The following MACROD1 variants were observed in gnomAD, a reference collection of about 807,000 sequenced individuals.
MACROD1 encodes mono-ADP ribosylhydrolase 1.
Under a neutral mutation model 41.4 loss-of-function variants are expected in MACROD1, and 31 were observed. The ratio of observed to expected loss-of-function variants is 0.75; its 90% CI spans 0.56 to 1.01. MACROD1 has a LOEUF of 1.01. Among genes scored for constraint, MACROD1 ranks in the 50% least tolerant of loss-of-function variants. The pLI is 0.00. For synonymous variants in MACROD1, 252 were observed against 203.4 expected, an observed-to-expected ratio of 1.24 and a Z score of -2.03; for missense variants, 473 against 460.0, an observed-to-expected ratio of 1.03 and a Z score of -0.26.
chr11:64,069,323 G>C (rs1046945653), intron 3 of MACROD1, among the ~76,000 whole-genome samples: 1 of 152,204 alleles, frequency 6.6e-6, no homozygotes, highest in Non-Finnish European at 1.5e-5. Flanking sequence ...GCTGTCAGCC[G>C]AAGAGCCTGG....
chr11:64,018,786 G>A (rs1204947446), intron 3 of MACROD1, among the ~76,000 whole-genome samples: 1 of 152,226 alleles, frequency 6.6e-6, no homozygotes, highest in African/African-American at 2.4e-5. Flanking sequence ...CCGGGGACTG[G>A]GGGAGATGCA....
chr11:64,041,198 G>GT (rs1943477837), intron 3 of MACROD1, among the ~76,000 whole-genome samples: 1 of 18,958 alleles, frequency 5.3e-5, no homozygotes, highest in Non-Finnish European at 8.2e-5. Flanking sequence ...TTAGCAAACT[G>GT]TAAAAAAAAA....
chr11:64,039,305 G>C (rs964926342), intron 3 of MACROD1, among the ~76,000 whole-genome samples: 1 of 152,170 alleles, frequency 6.6e-6, no homozygotes, highest in Non-Finnish European at 1.5e-5. Context: ...CCCGGGGGTA[G>C]CTTTCCCTGC....
chr11:64,075,356 C>T (rs183927931), intron 3 of MACROD1, among the ~76,000 whole-genome samples: 6 of 152,368 alleles, frequency 3.9e-5, no homozygotes, highest in African/African-American at 4.8e-5. Flanking sequence ...CTAAACCGTT[C>T]CCTGGGCACT....
rs1292586603 is a variant in MACROD1, at chr11:64,000,485, G to T, written c.548-142C>A. 1.2e-5 allele frequency: 6 copies of T among 496,640 alleles called. No individual in the cohort carries two copies. The East Asian group carries it at 1.4e-4, about 12-fold the overall frequency. 30.8% of individuals were successfully genotyped at this position (496,640 alleles called of 1,614,324 possible). A position where few individuals can be genotyped will look rare whatever the true frequency, so the allele number is the denominator to read the frequency against. ...AACCCCGTGGCCTCCGGCCGCGGCCGCTGCCCCCACCCCCGCCCGGAATGT... is the reference window on the plus strand; with the variant it reads ...AACCCCGTGGCCTCCGGCCGCGGCCTCTGCCCCCACCCCCGCCCGGAATGT... On this transcript the variant is annotated intron_variant, in intron 4 of 10. Coordinates refer to ENST00000255681, the MANE Select transcript of MACROD1 (RefSeq NM_014067.4).
At chr11:64,038,145 G>A (rs1027306454) in intron 3 of MACROD1, among the ~76,000 whole-genome samples, 6 of 152,084 alleles carry the variant, frequency 3.9e-5, no homozygotes, top group African/African-American at 1.2e-4. Context: ...TGGGAGGTCC[G>A]CCCAGCTGTT....
intron 3 of MACROD1, among the ~76,000 whole-genome samples, chr11:64,060,271 G>A (rs1171452965): frequency 6.6e-6 from 1 of 152,336 alleles, no homozygotes; most frequent in East Asian, 1.9e-4. Flanking sequence ...CAGAGCTCCG[G>A]GAGCGGCGGG....
At chr11:64,115,488 GAA>G (rs1334320437) in intron 3 of MACROD1, among the ~76,000 whole-genome samples, 1 of 152,084 alleles carries the variant, frequency 6.6e-6, no homozygotes, top group East Asian at 1.9e-4. Context: ...CACCTCTGAT[GAA>G]AAGAGATTTC....
intron 3 of MACROD1, chr11:64,138,637 C>T (rs1178715084): frequency 1.2e-5 from 9 of 752,686 alleles, no homozygotes; most frequent in African/African-American, 1.9e-5. Flanking sequence ...AACTGCGATG[C>T]CGCTCGGCTC....
In MACROD1 at chr11:63,999,326, C is replaced by T; in HGVS notation, c.891+5G>A. On this transcript the variant is annotated splice_donor_5th_base_variant and intron_variant, in intron 8 of 10. Transcript: ENST00000255681. Reference sequence around the variant, plus strand: ...ACCCCACCCTCGCCCGGGCCCAGGACTCACCTTGTCCTTGTGCTGCTCCAG... The same window carrying T: ...ACCCCACCCTCGCCCGGGCCCAGGATTCACCTTGTCCTTGTGCTGCTCCAG... 2 of 1,564,102 alleles carry T rather than the reference C, an allele frequency of 1.3e-6. No individual in the cohort carries two copies. Among genetic ancestry groups the T allele is most frequent in the African/African-American group, 2.7e-5 (2 of 74,490 alleles).
At chr11:64,130,689 C>A (rs1275662310) in intron 3 of MACROD1, among the ~76,000 whole-genome samples, 2 of 152,168 alleles carry the variant, frequency 1.3e-5, no homozygotes, top group Non-Finnish European at 2.9e-5. Context: ...CAGGACCCCC[C>A]CACACATGCC....
rs566188754 is a variant in MACROD1, at chr11:64,118,203, C to T, written c.517+33036G>A. On this transcript the variant is annotated intron_variant, in intron 3 of 10. Coordinates refer to ENST00000255681, the MANE Select transcript of MACROD1 (RefSeq NM_014067.4). ...TATCTTCCCCTCCAACGGCAGCAGC[C>T]TCTGCAAGGCCACACACACCATTGG... is the stretch of plus-strand genomic sequence containing the variant. 3.0e-5 allele frequency: 48 copies of T among 1,613,416 alleles called. No homozygotes were observed. The South Asian group carries it at 4.8e-4, about 16-fold the overall frequency.
chr11:64,004,962 G>A (rs759904535), intron 4 of MACROD1, among the ~76,000 whole-genome samples: 3 of 152,084 alleles, frequency 2.0e-5, no homozygotes, highest in Non-Finnish European at 4.4e-5. Flanking sequence ...TGAGGGCCAG[G>A]GGGGTTAAGC....
At chr11:64,077,802 C>T (rs756212748) in intron 3 of MACROD1, among the ~76,000 whole-genome samples, 110 of 152,220 alleles carry the variant, frequency 7.2e-4, no homozygotes, top group African/African-American at 2.4e-3. Flanking sequence ...GGCCTCCGGC[C>T]GCCGCTCGGA....
chr11:64,091,632 C>A (rs917614263), intron 3 of MACROD1, among the ~76,000 whole-genome samples: 1 of 152,160 alleles, frequency 6.6e-6, no homozygotes, highest in Non-Finnish European at 1.5e-5. Context: ...ACCATCCCCC[C>A]ATCCGACAGA....
At chr11:64,001,005 T>G in intron 4 of MACROD1, 1 of 190,586 alleles carries the variant, frequency 5.2e-6, no homozygotes, top group Non-Finnish European at 1.1e-5. Context: ...AGCTGGTTAA[T>G]GAACCGCCTC....
chr11:64,008,835 C>A (rs1942956771), intron 4 of MACROD1, among the ~76,000 whole-genome samples: 1 of 152,158 alleles, frequency 6.6e-6, no homozygotes, highest in South Asian at 2.1e-4. Flanking sequence ...CCATCCTCTC[C>A]TGCCCGCCTG....
chr11:64,000,134 C>G, intron 5 of MACROD1, 93 bp downstream of exon 5: 2 of 1,012,556 alleles, frequency 2.0e-6, no homozygotes, highest in Non-Finnish European at 2.9e-6. Context: ...GAGGAGTTCC[C>G]CAGCACTCCT....
chr11:64,011,221 TGTTG>T (rs1333431577), intron 4 of MACROD1, among the ~76,000 whole-genome samples: 43 of 140,258 alleles, frequency 3.1e-4, no homozygotes, highest in Admixed American at 2.4e-3. Flanking sequence ...TTGGCTGGGG[TGTTG>T]GTTGGGGTGT....
Sources: gnomAD v4.1 joint callset for allele counts (sites outside exome capture counted in the v4.1 genomes callset) on GRCh38, gnomAD v4.1.1 for gene constraint, MANE v1.5 for transcripts, NCBI Gene and HGNC (gene_info 2026-07-23, HGNC 2026-07-21) for gene names.